Variants in ITSN2 observed in about 807,000 individuals in gnomAD.
The protein encoded by ITSN2 is intersectin 2.
Under a neutral mutation model 243.7 loss-of-function variants are expected in ITSN2, and 156 were observed. The observed-to-expected ratio is 0.64, with a 90% CI of 0.56 to 0.73. ITSN2 has a LOEUF of 0.73. Among genes scored for constraint, ITSN2 ranks in the 30% least tolerant of loss-of-function variants. The pLI is 0.00. For synonymous variants in ITSN2, 703 were observed against 699.9 expected (o/e 1.00, Z -0.07); for missense variants, 1,801 against 1,996.1 (o/e 0.90, Z 1.86).
intron 2 of ITSN2, chr2:24,321,984 C>T (rs1684626212): frequency 6.6e-6 from 1 of 152,134 alleles, no homozygotes; most frequent in African/African-American, 2.4e-5. Flanking sequence ...AGTGACAGAG[C>T]TGAGATTAGA....
At chr2:24,210,263 G>T in intron 34 of ITSN2, 1 of 515,802 alleles carries the variant, frequency 1.9e-6, no homozygotes, top group Non-Finnish European at 3.5e-6. Context: ...TCTACCAGCT[G>T]AATTCAAAGA....
intron 17 of ITSN2, among the ~76,000 whole-genome samples, chr2:24,280,063 C>T (rs777498481): frequency 1.8e-4 from 27 of 152,080 alleles, no homozygotes; most frequent in Admixed American, 6.5e-5. Context: ...GGTATAATGG[C>T]CTGTCAAATG....
chr2:24,300,296 G>A (rs749553525), intron 11 of ITSN2, 125 bp from the exon 12 acceptor site: 2 of 823,178 alleles, frequency 2.4e-6, no homozygotes, highest in African/African-American at 1.7e-5. Context: ...CTTCTCCTAA[G>A]GATAATTTTA....
chr2:24,237,420 T>G (rs545159565), intron 29 of ITSN2, among the ~76,000 whole-genome samples: 5 of 6,498 alleles, frequency 7.7e-4, no homozygotes, highest in African/African-American at 2.2e-3. Context: ...ACTGCTGATC[T>G]TCTAGGAGGT....
intron 1 of ITSN2, among the ~76,000 whole-genome samples, chr2:24,350,294 T>G (rs1687911342): frequency 6.6e-6 from 1 of 152,192 alleles, no homozygotes; most frequent in South Asian, 2.1e-4. Flanking sequence ...TTCAACAATT[T>G]TTCCACTGTG....
At chr2:24,207,916 T>C (rs1176456176) in intron 37 of ITSN2, among the ~76,000 whole-genome samples, 1 of 151,402 alleles carries the variant, frequency 6.6e-6, no homozygotes, top group Non-Finnish European at 1.5e-5. Flanking sequence ...GTGTGGCATG[T>C]AATGGAGCAC....
chr2:24,347,109 G>C (rs948160446), intron 1 of ITSN2, among the ~76,000 whole-genome samples: 1 of 151,582 alleles, frequency 6.6e-6, no homozygotes, highest in Non-Finnish European at 1.5e-5. Context: ...GTGATCTGCC[G>C]ACCTCAGCCT....
intron 17 of ITSN2, among the ~76,000 whole-genome samples, chr2:24,284,037 T>C (rs1047780609): frequency 2.0e-5 from 3 of 152,250 alleles, no homozygotes; most frequent in African/African-American, 4.8e-5. Context: ...CACTGTGGAA[T>C]ATATATGCAT....
At chr2:24,330,748 A>C (rs1166553785) in intron 1 of ITSN2, 1 of 564,592 alleles carries the variant, frequency 1.8e-6, no homozygotes. Context: ...CAAGTTTTAT[A>C]AAAAATGCAG....
At chr2:24,298,559 G>C (rs1045043709) in intron 13 of ITSN2, 106 bp downstream of exon 13, 1 of 1,068,716 alleles carries the variant, frequency 9.4e-7, no homozygotes, top group African/African-American at 1.6e-5. Context: ...GCCTCCCAAA[G>C]TGCTAGGATA....
chr2:24,336,972 A>T (rs1166336480), intron 1 of ITSN2, among the ~76,000 whole-genome samples: 1 of 152,128 alleles, frequency 6.6e-6, no homozygotes, highest in East Asian at 1.9e-4. Context: ...AAAGGAAACC[A>T]GCAGGAAGCA....
At chr2:24,291,277 G>A (rs183334430) in intron 15 of ITSN2, among the ~76,000 whole-genome samples, 3 of 152,006 alleles carry the variant, frequency 2.0e-5, no homozygotes, top group East Asian at 1.9e-4. Context: ...CCACAGATGC[G>A]TGCCACTACC....
intron 17 of ITSN2, 96 bp downstream of exon 17, chr2:24,284,666 AC>A: frequency 1.3e-6 from 1 of 744,374 alleles, no homozygotes; most frequent in Non-Finnish European, 2.4e-6. Flanking sequence ...GTTATTTCAA[AC>A]AAAGATACTC....
intron 29 of ITSN2, among the ~76,000 whole-genome samples, chr2:24,244,894 A>C (rs1188434556): frequency 6.6e-6 from 1 of 152,202 alleles, no homozygotes; most frequent in Non-Finnish European, 1.5e-5. Context: ...GAATGCACAA[A>C]ATTATAGATA....
Position 24,284,839 on chromosome 2 carries a change from C to T in ITSN2, c.1868G>A (p.Gly623Glu). The T allele has an allele frequency of 6.3e-7, 1 of 1,589,792 alleles. No individual in the cohort carries two copies. Among genetic ancestry groups the T allele is most frequent in the Non-Finnish European group, 8.6e-7 (1 of 1,159,680 alleles). ...MDSFNNQLKCGNMDDSVLQCL... is the reference protein window; with the variant it reads ...MDSFNNQLKCENMDDSVLQCL... Reference sequence around the variant, plus strand: ...CTGAAGAACAGAGTCATCCATATTCCCACACTGTAAGATAAGGCAGATAAA... The same window carrying T: ...CTGAAGAACAGAGTCATCCATATTCTCACACTGTAAGATAAGGCAGATAAA... The change falls in exon 17 of 40, where the codon GGG (glycine) becomes GAG (glutamate). Residue 623 changes from glycine to glutamate, a missense_variant. Physicochemically the swap from Gly to Glu is moderately conservative, Grantham distance 98. This residue lies in a region of ITSN2 where 787 missense variants were observed against 803.9 expected (regional missense o/e 0.98). Transcript: ENST00000355123.
intron 1 of ITSN2, among the ~76,000 whole-genome samples, chr2:24,329,768 G>A (rs1685571461): frequency 6.6e-6 from 1 of 152,076 alleles, no homozygotes; most frequent in South Asian, 2.1e-4. Flanking sequence ...TATTTGCACA[G>A]CCATTTTAAA....
intron 15 of ITSN2, among the ~76,000 whole-genome samples, chr2:24,287,434 G>A (rs936643352): frequency 1.3e-5 from 2 of 151,986 alleles, no homozygotes; most frequent in Admixed American, 6.6e-5. Flanking sequence ...AACTTTTTTA[G>A]ATTTTATATG....
intron 30 of ITSN2, chr2:24,220,502 G>A (rs1670341804): frequency 2.1e-5 from 21 of 1,000,378 alleles, no homozygotes; most frequent in Non-Finnish European, 2.1e-5. Context: ...CAACCATGAG[G>A]TGAACACTTT....
At chr2:24,292,690 G>A (rs997780387) in intron 15 of ITSN2, among the ~76,000 whole-genome samples, 1 of 152,180 alleles carries the variant, frequency 6.6e-6, no homozygotes, top group Admixed American at 6.5e-5. Context: ...ACTCTCTAGA[G>A]ACTTAACTGC....
Sources: gnomAD v4.1 joint callset for allele counts (sites outside exome capture counted in the v4.1 genomes callset) on GRCh38, gnomAD v4.1.1 for gene constraint, gnomAD v4.1.1 regional missense constraint, MANE v1.5 for transcripts, NCBI Gene and HGNC (gene_info 2026-07-23, HGNC 2026-07-21) for gene names.